KPNA7: variants seen among roughly 807,000 people sequenced by gnomAD.
The protein encoded by KPNA7 is karyopherin subunit alpha 7.
Under a neutral mutation model 53.7 loss-of-function variants are expected in KPNA7, and 54 were observed. That is an observed-to-expected ratio of 1.01 (90% CI 0.81 to 1.26). KPNA7 has a LOEUF of 1.26. KPNA7 is among the 50% of genes most tolerant of loss of function. The probability of loss-of-function intolerance (pLI) is 0.00; values close to 1 mark genes in which losing one functional copy is unlikely to be tolerated. For missense variants in KPNA7, 640 were observed against 644.5 expected (o/e 0.99, Z 0.07); for synonymous variants, 276 against 259.3 (o/e 1.06, Z -0.62).
the KPNA7 span, among the ~76,000 whole-genome samples, chr7:99,152,825 T>G: frequency 7.9e-5 from 12 of 152,170 alleles, no homozygotes; most frequent in Admixed American, 7.9e-4. Flanking sequence ...CTTCTCTGAG[T>G]GCAGGATGAG....
chr7:99,209,449 A>C (rs573385689), upstream of KPNA7, among the ~76,000 whole-genome samples: 1 of 151,952 alleles, frequency 6.6e-6, no homozygotes, highest in South Asian at 2.1e-4. Flanking sequence ...CACAGAGTAC[A>C]TGTGATTGTG....
chr7:99,177,990 G>C lies in KPNA7; in HGVS notation c.1394C>G (p.Ala465Gly). 1 of 1,551,894 alleles carries C rather than the reference G, an allele frequency of 6.4e-7. No individual in the cohort carries two copies. The highest frequency in any genetic ancestry group is 1.2e-5 in the South Asian group (1 of 84,052). The change falls in exon 10 of 11, where the codon GCT becomes GGT. Residue 465 changes from alanine (A) to glycine (G), a missense_variant. Physicochemically the swap from Ala to Gly is moderately conservative, Grantham distance 60. Transcript: ENST00000327442. Reference sequence around the variant, plus strand: ...TTGACGGTTCTCATGCAGCTGTAAAGCCTCAATTCTATCGATCCCACCAAG... The same window carrying C: ...TTGACGGTTCTCATGCAGCTGTAAACCCTCAATTCTATCGATCCCACCAAG... Reference protein sequence around the residue: ...EELGGIDRIEALQLHENRQIG... With the variant: ...EELGGIDRIEGLQLHENRQIG...
intron 1 of KPNA7, among the ~76,000 whole-genome samples, chr7:99,217,709 C>CA (rs1239225473): frequency 6.7e-6 from 1 of 148,428 alleles, no homozygotes; most frequent in Non-Finnish European, 1.5e-5. Flanking sequence ...CGGCTCACTG[C>CA]AGCCTCCGCC....
At chr7:99,148,294 T>G in the KPNA7 span, among the ~76,000 whole-genome samples, 1 of 152,230 alleles carries the variant, frequency 6.6e-6, no homozygotes, top group African/African-American at 2.4e-5. Flanking sequence ...GCTTTCTAGG[T>G]AGCATTTGAC....
chr7:99,168,835 A>G (rs1357599766), downstream of KPNA7, among the ~76,000 whole-genome samples: 1 of 152,142 alleles, frequency 6.6e-6, no homozygotes, highest in Non-Finnish European at 1.5e-5. Context: ...ACCGCCACCC[A>G]CTTCAAAGAA....
chr7:99,188,535 G>A lies in KPNA7; in HGVS notation c.665C>T (p.Thr222Ile). The change falls in exon 7 of 11, where the codon ACC becomes ATC. Residue 222 changes from threonine to isoleucine, a missense_variant. By Grantham distance (89) the Thr-to-Ile change is moderately conservative. Coordinates refer to ENST00000327442, the MANE Select transcript of KPNA7 (RefSeq NM_001145715.3). ...CTTGTTTCGGCACAGATTCGACAAG[G>A]TCCACGTGATGTTCCGCAGAAATGT... ...PITFLRNITW[T>I]LSNLCRNKNP... is the part of the protein sequence containing the mutation. The A allele has an allele frequency of 1.3e-6, 2 of 1,551,596 alleles. No homozygotes were observed. The highest frequency in any genetic ancestry group is 1.7e-6 in the Non-Finnish European group (2 of 1,146,900).
intron 5 of KPNA7, among the ~76,000 whole-genome samples, 193 bp from the exon 6 acceptor site, chr7:99,193,294 G>A (rs114614530): frequency 0.023 from 3,572 of 152,326 alleles, 142 homozygotes; most frequent in African/African-American, 0.08. Flanking sequence ...TGATGTAACA[G>A]GCAGGCATCA....
At chr7:99,160,960 A>G in the KPNA7 span, among the ~76,000 whole-genome samples, 4 of 152,028 alleles carry the variant, frequency 2.6e-5, no homozygotes, top group Admixed American at 2.6e-4. Context: ...TCCCAGGTTC[A>G]AGCTATCCTC....
At chr7:99,218,818 C>T (rs1219816411) in intron 1 of KPNA7, among the ~76,000 whole-genome samples, 2 of 152,254 alleles carry the variant, frequency 1.3e-5, no homozygotes, top group Non-Finnish European at 2.9e-5. Flanking sequence ...CCCCAAACAG[C>T]TGCCTGGCTC....
chr7:99,189,213 C>T (rs536513696), intron 6 of KPNA7, among the ~76,000 whole-genome samples: 1 of 152,304 alleles, frequency 6.6e-6, no homozygotes, highest in South Asian at 2.1e-4. Context: ...GGCATGTCAT[C>T]CCCAGATTTC....
upstream of KPNA7, among the ~76,000 whole-genome samples, chr7:99,212,597 C>G (rs538102437): frequency 2.0e-5 from 3 of 151,794 alleles, no homozygotes; most frequent in Non-Finnish European, 4.4e-5. Context: ...GGAAGCGTTG[C>G]TTTTTAAGAC....
intron 3 of KPNA7, among the ~76,000 whole-genome samples, chr7:99,197,208 G>C (rs1166568581): frequency 6.6e-6 from 1 of 152,088 alleles, no homozygotes; most frequent in South Asian, 2.1e-4. Flanking sequence ...TCTTTTCTTC[G>C]TGGTTCGAAG....
At chr7:99,163,614 T>A in the KPNA7 span, among the ~76,000 whole-genome samples, 1 of 151,544 alleles carries the variant, frequency 6.6e-6, no homozygotes, top group South Asian at 2.1e-4. Context: ...CTTGAACTCA[T>A]GGCCTCAAGT....
At chr7:99,198,848 T>C (rs1790364671) in intron 3 of KPNA7, among the ~76,000 whole-genome samples, 1 of 152,026 alleles carries the variant, frequency 6.6e-6, no homozygotes, top group South Asian at 2.1e-4. Flanking sequence ...AGTGACTTAA[T>C]CTTATATGTA....
intron 10 of KPNA7, among the ~76,000 whole-genome samples, chr7:99,174,599 C>T (rs1798834724): frequency 6.6e-6 from 1 of 152,128 alleles, no homozygotes; most frequent in Non-Finnish European, 1.5e-5. Flanking sequence ...GATTTGATGA[C>T]TGCAGGTACC....
chr7:99,161,222 ACTCTCTCTCTCTCTCTCTCT>A, the KPNA7 span, among the ~76,000 whole-genome samples: 337 of 147,844 alleles, frequency 2.3e-3, 4 homozygotes, highest in African/African-American at 7.5e-3. Flanking sequence ...ATGTACACAA[ACTCTCTCTCTCTCTCTCTCT>A]CTCTCTCTCT....
chr7:99,217,913 G>A (rs199622468), intron 1 of KPNA7, among the ~76,000 whole-genome samples: 3 of 152,298 alleles, frequency 2.0e-5, no homozygotes, highest in Admixed American at 6.5e-5. Context: ...TTACAGGCGT[G>A]AGCCTCCATG....
chr7:99,191,103 C>A (rs867282185), intron 6 of KPNA7, among the ~76,000 whole-genome samples: 1 of 151,946 alleles, frequency 6.6e-6, no homozygotes, highest in African/African-American at 2.4e-5. Context: ...CTCCCTTTCA[C>A]GTCTAGAATG....
At chr7:99,213,790 T>C (rs982579372) in intron 1 of KPNA7, among the ~76,000 whole-genome samples, 1 of 152,060 alleles carries the variant, frequency 6.6e-6, no homozygotes, top group Admixed American at 6.6e-5. Flanking sequence ...TTTTCATTTT[T>C]CAGAGATGCG....
Sources: allele counts gnomAD v4.1 joint callset (sites outside exome capture counted in the v4.1 genomes callset), GRCh38; gene constraint gnomAD v4.1.1; transcripts MANE v1.5; gene names NCBI Gene and HGNC (gene_info 2026-07-23, HGNC 2026-07-21).